The following SLC22A23 variants were observed in gnomAD, a reference collection of about 807,000 sequenced individuals.
SLC22A23 encodes ion transporter protein.
In SLC22A23, 26 loss-of-function variants were observed where a neutral mutation model predicts 61.0. The observed-to-expected ratio is 0.43, with a 90% CI of 0.31 to 0.59. SLC22A23 has a LOEUF of 0.59. Ranked by LOEUF, SLC22A23 falls within the 20% of genes least tolerant of loss-of-function variation. The pLI is 0.11. For missense variants in SLC22A23, 796 were observed against 934.7 expected (o/e 0.85, Z 1.94); for synonymous variants, 430 against 413.9 (o/e 1.04, Z -0.47).
chr6:3,391,496 G>C (rs1272962026), intron 3 of SLC22A23, among the ~76,000 whole-genome samples: 1 of 152,176 alleles, frequency 6.6e-6, no homozygotes, highest in East Asian at 1.9e-4. Flanking sequence ...CAATACTGCG[G>C]CACAGATCTT....
chr6:3,382,475 C>G (rs1052172528), intron 3 of SLC22A23, among the ~76,000 whole-genome samples: 12 of 152,204 alleles, frequency 7.9e-5, no homozygotes, highest in Non-Finnish European at 1.5e-4. Flanking sequence ...TCAGCTTTAT[C>G]CTTGCCTGTA....
intron 4 of SLC22A23, 30 bp from the exon 5 acceptor site, chr6:3,298,248 G>T: frequency 6.3e-7 from 1 of 1,577,556 alleles, no homozygotes; most frequent in Non-Finnish European, 8.6e-7. Flanking sequence ...ATCAGTGAAT[G>T]TCTTCCGATT....
chr6:3,404,089 C>T (rs999909456), intron 3 of SLC22A23, among the ~76,000 whole-genome samples: 6 of 152,310 alleles, frequency 3.9e-5, no homozygotes, highest in Admixed American at 2.6e-4. Context: ...AAACCTAGTC[C>T]GTAAGGTTTT....
chr6:3,416,188 C>A (rs1028669236), intron 1 of SLC22A23, among the ~76,000 whole-genome samples: 1 of 152,268 alleles, frequency 6.6e-6, no homozygotes, highest in Non-Finnish European at 1.5e-5. Flanking sequence ...CCAGGCATCC[C>A]TGAGGACCAG....
chr6:3,273,292 C>A lies in SLC22A23; in HGVS notation c.1824G>T (p.Thr608=). Residue 608 remains threonine (T), a synonymous_variant, in exon 10 of 10, where the codon ACG becomes ACT. Transcript: ENST00000406686. ...FLHHIIFACC[T]LICIICILLL... is the part of the protein sequence containing the mutation. ...GGAGGATGCAGATGATGCAGATGAGCGTGCAGCAGGCAAAGATGATGTGGT... is the reference window on the plus strand; with the variant it reads ...GGAGGATGCAGATGATGCAGATGAGAGTGCAGCAGGCAAAGATGATGTGGT... 1.9e-6 allele frequency: 3 copies of A among 1,613,960 alleles called. No individual in the cohort carries two copies. Among genetic ancestry groups the A allele is most frequent in the South Asian group, 1.1e-5 (1 of 91,060 alleles).
chr6:3,289,696 C>G, intron 6 of SLC22A23, 68 bp downstream of exon 6: 4 of 1,331,556 alleles, frequency 3.0e-6, no homozygotes, highest in Non-Finnish European at 3.2e-6. Flanking sequence ...GGGCCCTGGG[C>G]TTCACCACTC....
At chr6:3,352,187 T>G (rs1210196575) in intron 3 of SLC22A23, among the ~76,000 whole-genome samples, 1 of 152,098 alleles carries the variant, frequency 6.6e-6, no homozygotes, top group Non-Finnish European at 1.5e-5. Context: ...AGAGTGCCTC[T>G]TGTCCTGCTG....
chr6:3,428,826 G>A (rs971149481), intron 1 of SLC22A23, among the ~76,000 whole-genome samples: 1 of 152,154 alleles, frequency 6.6e-6, no homozygotes, highest in African/African-American at 2.4e-5. Context: ...GTAACAATAA[G>A]TGTTCATCTA....
chr6:3,294,339 G>A (rs1256726037), intron 5 of SLC22A23, among the ~76,000 whole-genome samples: 1 of 152,164 alleles, frequency 6.6e-6, no homozygotes, highest in Admixed American at 6.5e-5. Context: ...TCTGAAGCCT[G>A]AAATGCTCTA....
At chr6:3,283,449 T>G in intron 9 of SLC22A23, 2 of 261,182 alleles carry the variant, frequency 7.7e-6, no homozygotes, top group Middle Eastern at 1.4e-3. Context: ...GGCCGGGGGG[T>G]AGGCTCTTTC....
At position 3,342,165 on chromosome 6, in the gene SLC22A23, C is replaced by T. The variant is rs974582377; in HGVS notation, c.914-18163G>A. 1.3e-5 allele frequency among the ~76,000 whole-genome samples: 2 copies of T among 152,022 alleles called. No homozygotes were observed. The highest frequency in any genetic ancestry group is 2.4e-5 in the African/African-American group (1 of 41,378). ...TGGGTTTAAATTTTAGGTGTGTCTG[C>T]GTGAAAATGAAAACTTATTCTCAGT... On this transcript the variant is annotated intron_variant, in intron 3 of 9. Transcript: ENST00000406686. This position sits in a 1 kb window ranked among gnomAD's most constrained non-coding sequence, Gnocchi z 4.0.
At chr6:3,444,215 T>C (rs1240008150) in intron 1 of SLC22A23, among the ~76,000 whole-genome samples, 2 of 152,158 alleles carry the variant, frequency 1.3e-5, no homozygotes, top group Admixed American at 6.5e-5. Context: ...AATAGGTCCC[T>C]GTCAATCTCT....
chr6:3,444,962 C>G (rs1385826868), intron 1 of SLC22A23: 3 of 985,418 alleles, frequency 3.0e-6, no homozygotes, highest in Non-Finnish European at 3.6e-6. Context: ...CGTCCTCACC[C>G]CACCAAGGGG....
chr6:3,428,275 T>C (rs1036252001), intron 1 of SLC22A23, among the ~76,000 whole-genome samples: 10 of 152,130 alleles, frequency 6.6e-5, no homozygotes, highest in African/African-American at 2.2e-4. Flanking sequence ...CTCCTCACCC[T>C]CCAGGCTGCT....
intron 4 of SLC22A23, among the ~76,000 whole-genome samples, chr6:3,319,269 G>A (rs1762813224): frequency 6.6e-6 from 1 of 152,148 alleles, no homozygotes; most frequent in South Asian, 2.1e-4. Flanking sequence ...TCCTCTCCCG[G>A]TTCCAGGAGA....
chr6:3,342,548 C>T lies in SLC22A23; in HGVS notation c.914-18546G>A, dbSNP rs547181591. 9.2e-5 allele frequency among the ~76,000 whole-genome samples: 14 copies of T among 152,260 alleles called. No individual in the cohort carries two copies. The highest frequency in any genetic ancestry group is 3.1e-4 in the African/African-American group (13 of 41,538). On this transcript the variant is annotated intron_variant, in intron 3 of 9. Transcript: ENST00000406686. The surrounding 1 kb of genome is among the most constrained non-coding windows in gnomAD (Gnocchi z 4.0). ...CTTGACCCACAGCATCAGAGTCCCC[C>T]GGGGCCCTGAGCCCAGATTCCCAGA...
chr6:3,275,193 T>C (rs903176707), intron 9 of SLC22A23, among the ~76,000 whole-genome samples: 1 of 152,230 alleles, frequency 6.6e-6, no homozygotes, highest in African/African-American at 2.4e-5. Context: ...TGACTGTAGA[T>C]GGAGGCAAAT....
At position 3,450,216 on chromosome 6, in the gene SLC22A23, T is replaced by A. The variant is rs77158443; in HGVS notation, c.654+5690A>T. Among the ~76,000 whole-genome samples the A allele has an allele frequency of 8.6e-3, 1,310 of 152,354 alleles. 23 individuals carry two copies. The highest frequency in any genetic ancestry group is 0.03 in the African/African-American group (1,256 of 41,590). On this transcript the variant is annotated intron_variant, in intron 1 of 9. Coordinates refer to ENST00000406686, the MANE Select transcript of SLC22A23 (RefSeq NM_015482.2). The stretch of plus-strand genomic sequence containing the variant: ...ATGTATTACCTACTATAGTCAATTT[T>A]TAAAAATAGATATGCATGAAGATAT...
intron 9 of SLC22A23, among the ~76,000 whole-genome samples, chr6:3,275,936 A>G (rs531889300): frequency 6.2e-4 from 95 of 152,394 alleles, no homozygotes; most frequent in Non-Finnish European, 6.6e-4. Flanking sequence ...GGCCAGACAC[A>G]GTGGCTCATG....
Sources: gnomAD v4.1 joint callset for allele counts (sites outside exome capture counted in the v4.1 genomes callset) on GRCh38, gnomAD v4.1.1 for gene constraint, Gnocchi (gnomAD v3.1) non-coding constraint, MANE v1.5 for transcripts, NCBI Gene and HGNC (gene_info 2026-07-23, HGNC 2026-07-21) for gene names.